EFTUD2: variants seen among roughly 807,000 people sequenced by gnomAD.
EFTUD2 encodes the protein elongation factor Tu GTP binding domain containing 2.
Under a neutral mutation model 114.3 loss-of-function variants are expected in EFTUD2, and 9 were observed. That is an observed-to-expected ratio of 0.08 (90% CI 0.05 to 0.14). EFTUD2 has a LOEUF of 0.14. Among genes scored for constraint, EFTUD2 ranks in the 10% least tolerant of loss-of-function variants. EFTUD2 has a pLI of 1.00. For missense variants in EFTUD2, 765 were observed against 1,241.2 expected (o/e 0.62, Z 5.76); for synonymous variants, 449 against 462.3 (o/e 0.97, Z 0.37).
rs1299304497 is a variant in EFTUD2, at chr17:44,860,009, A to G, written c.1756T>C (p.Ser586Pro). 6.2e-7 allele frequency: 1 copy of G among 1,614,160 alleles called. No individual in the cohort carries two copies. The highest frequency in any genetic ancestry group is 8.5e-7 in the Non-Finnish European group (1 of 1,180,040). ...GGCTCCACAGCAATCTTGATAACAG[A>G]TGTGGTATTGAACTTCAAGGGTCGG... is the stretch of plus-strand genomic sequence containing the variant. ...IFRPLKFNTTSVIKIAVEPVN... is the reference protein window; with the variant it reads ...IFRPLKFNTTPVIKIAVEPVN... Residue 586 changes from serine to proline, a missense_variant, in exon 18 of 28, where the codon TCT (serine) becomes CCT (proline). By Grantham distance (74) the Ser-to-Pro change is moderately conservative. Coordinates refer to ENST00000426333, the MANE Select transcript of EFTUD2 (RefSeq NM_004247.4).
chr17:44,881,459 C>G (rs2051071253), intron 7 of EFTUD2, among the ~76,000 whole-genome samples: 1 of 152,222 alleles, frequency 6.6e-6, no homozygotes. Flanking sequence ...TTAATCTAGT[C>G]AAGAACAGGA....
chr17:44,850,256 C>A lies in EFTUD2; in HGVS notation c.*1018G>T. On this transcript the variant is annotated 3_prime_UTR_variant, in exon 28 of 28. Coordinates refer to ENST00000426333, the MANE Select transcript of EFTUD2 (RefSeq NM_004247.4). ...CTCAAGGGAGCAGCTAGAGGTGAAC[C>A]CCTAGGACGCCTGAGAGCCAGAGGA... 1 of 1,178,174 alleles carries A rather than the reference C, an allele frequency of 8.5e-7. No homozygotes were observed. Among genetic ancestry groups the A allele is most frequent in the South Asian group, 1.3e-5 (1 of 74,736 alleles). 73.0% of individuals were successfully genotyped at this position (1,178,174 alleles called of 1,614,324 possible).
chr17:44,886,053 A>G lies in EFTUD2; in HGVS notation c.271+532T>C, dbSNP rs144538507. On this transcript the variant is annotated intron_variant, in intron 3 of 27. Coordinates refer to ENST00000426333, the MANE Select transcript of EFTUD2 (RefSeq NM_004247.4). ...GGAGTTCAAGACCAGCCAGGCCAAC[A>G]TGGTGAAACCCCGTTTCTACTAAAA... Among the ~76,000 whole-genome samples, 1,377 of 150,102 alleles carry G rather than the reference A, an allele frequency of 9.2e-3. 16 individuals are homozygous for G. Among genetic ancestry groups the G allele is most frequent in the African/African-American group, 0.032 (1,299 of 41,098 alleles).
At chr17:44,863,210 C>T (rs2050688878) in intron 15 of EFTUD2, 2 of 289,538 alleles carry the variant, frequency 6.9e-6, no homozygotes, top group Admixed American at 4.9e-5. Flanking sequence ...CAAATTTCCT[C>T]TTAAGATGTA....
At chr17:44,868,231 C>T in intron 12 of EFTUD2, 56 bp downstream of exon 12, 3 of 1,495,740 alleles carry the variant, frequency 2.0e-6, no homozygotes, top group Non-Finnish European at 2.8e-6. Flanking sequence ...TCACTGTCCT[C>T]ACTTACTGGG....
intron 14 of EFTUD2, 51 bp from the exon 15 acceptor site, chr17:44,863,833 GAGC>G: frequency 6.2e-7 from 1 of 1,602,798 alleles, no homozygotes; most frequent in Non-Finnish European, 8.5e-7. Flanking sequence ...CAGGGAGCAC[GAGC>G]AGGAGTTACT....
intron 11 of EFTUD2, among the ~76,000 whole-genome samples, chr17:44,871,131 C>T (rs1157750460): frequency 6.0e-5 from 9 of 151,102 alleles, no homozygotes; most frequent in Non-Finnish European, 1.0e-4. Flanking sequence ...CTCAACCTCC[C>T]GGGCTCAAGT....
Position 44,851,718 on chromosome 17 carries a change from G to A in EFTUD2, c.2815C>T (p.Arg939Cys), listed in dbSNP as rs1248922713. Residue 939 changes from arginine (R) to cysteine (C), a missense_variant, in exon 27 of 28, where the codon CGT becomes TGT. Coordinates refer to ENST00000426333, the MANE Select transcript of EFTUD2 (RefSeq NM_004247.4). ...LAREFMIKTR[R>C]RKGLSEDVSI... Reference sequence around the variant, plus strand: ...GCCCAAGGGAGACATACCTTCCTACGGCGGGTTTTGATCATGAATTCCCGG... The same window carrying A: ...GCCCAAGGGAGACATACCTTCCTACAGCGGGTTTTGATCATGAATTCCCGG... 1.9e-6 allele frequency: 3 copies of A among 1,557,848 alleles called. No individual in the cohort carries two copies. The highest frequency in any genetic ancestry group is 1.7e-6 in the Non-Finnish European group (2 of 1,152,852).
At chr17:44,872,612 A>AGCCCGGACGCACT (rs765021192) in intron 10 of EFTUD2, 42 bp from the exon 11 acceptor site, 1 of 1,550,044 alleles carries the variant, frequency 6.5e-7, no homozygotes, top group Non-Finnish European at 8.7e-7. Flanking sequence ...AGGCTGCAGC[A>AGCCCGGACGCACT]GCCCGGACGC....
intron 6 of EFTUD2, among the ~76,000 whole-genome samples, chr17:44,882,026 C>T (rs1451055848): frequency 1.3e-5 from 2 of 152,160 alleles, no homozygotes; most frequent in Non-Finnish European, 2.9e-5. Context: ...CCTTTGCCTC[C>T]AGGGTTTAAG....
chr17:44,855,334 G>A (rs547548433), intron 20 of EFTUD2, among the ~76,000 whole-genome samples: 1 of 152,216 alleles, frequency 6.6e-6, no homozygotes, highest in African/African-American at 2.4e-5. Context: ...AGGCCGAGGT[G>A]GGCGGATCAC....
At chr17:44,852,610 A>G in intron 25 of EFTUD2, 48 bp from the exon 26 acceptor site, 3 of 1,597,538 alleles carry the variant, frequency 1.9e-6, no homozygotes, top group Non-Finnish European at 2.6e-6. Context: ...CATAGGCCAA[A>G]AGCCAAGAAG....
chr17:44,899,054 CG>C (rs2051458907), intron 1 of EFTUD2: 1 of 152,212 alleles, frequency 6.6e-6, no homozygotes, highest in Admixed American at 6.5e-5. Flanking sequence ...GAAAGCGGCA[CG>C]GATAGAAGAG....
rs2051078403 is a variant in EFTUD2 at position 44,881,853 on chromosome 17, G to A, written c.493-131C>T. On this transcript the variant is annotated intron_variant, in intron 6 of 27. Coordinates refer to ENST00000426333, the MANE Select transcript of EFTUD2 (RefSeq NM_004247.4). Reference sequence around the variant, plus strand: ...AGATTAAAGAGAGAGAGAGAGCAGGGTGTCCCCACAGCAATTACAGACAAT... The same window carrying A: ...AGATTAAAGAGAGAGAGAGAGCAGGATGTCCCCACAGCAATTACAGACAAT... 3.7e-6 allele frequency: 3 copies of A among 801,846 alleles called. No homozygotes were observed. The South Asian group carries it at 4.7e-5, about 13-fold the overall frequency. 49.7% of individuals were successfully genotyped at this position (801,846 alleles called of 1,614,324 possible).
intron 10 of EFTUD2, 179 bp from the exon 11 acceptor site, chr17:44,872,749 C>T: frequency 1.8e-6 from 1 of 567,536 alleles, no homozygotes; most frequent in South Asian, 2.5e-5. Flanking sequence ...AGCTGTTCCC[C>T]TAATTCCCAA....
intron 1 of EFTUD2, 67 bp from the exon 2 acceptor site, chr17:44,894,592 C>T: frequency 8.4e-7 from 1 of 1,192,298 alleles, no homozygotes; most frequent in Non-Finnish European, 1.2e-6. Context: ...GGTGGCTCCA[C>T]CTGTCTAGTC....
At chr17:44,895,740 A>G (rs2051372690) in intron 1 of EFTUD2, 1 of 152,236 alleles carries the variant, frequency 6.6e-6, no homozygotes, top group African/African-American at 2.4e-5. Flanking sequence ...CATCAAAATC[A>G]GAAAATTGAT....
intron 26 of EFTUD2, among the ~76,000 whole-genome samples, chr17:44,852,103 G>T (rs2050465233): frequency 6.6e-6 from 1 of 151,996 alleles, no homozygotes; most frequent in Non-Finnish European, 1.5e-5. Flanking sequence ...TTTTAGTACA[G>T]ATGGGGTTTC....
Position 44,880,602 on chromosome 17 carries a change from G to A in EFTUD2, c.571C>T (p.Pro191Ser), listed in dbSNP as rs866090441. The A allele has an allele frequency of 1.2e-6, 2 of 1,613,736 alleles. No homozygotes were observed. Among genetic ancestry groups the A allele is most frequent in the Non-Finnish European group, 1.7e-6 (2 of 1,179,718 alleles). Residue 191 changes from proline to serine, a missense_variant, in exon 8 of 28, where the codon CCA becomes TCA. By Grantham distance (74) the Pro-to-Ser change is moderately conservative (BLOSUM62 -1). Around this residue, in one of 6 missense-constraint regions of EFTUD2, gnomAD observed 251 missense variants for 357.7 expected, o/e 0.70. Transcript: ENST00000426333. ...IKSTPVTVVL[P>S]DTKGKSYLFN... Reference sequence around the variant, plus strand: ...AGATAAGATTTTCCTTTGGTGTCTGGCAAGACCACTGTCACAGGAGTGCTT... The same window carrying A: ...AGATAAGATTTTCCTTTGGTGTCTGACAAGACCACTGTCACAGGAGTGCTT...
Sources: allele counts gnomAD v4.1 joint callset (sites outside exome capture counted in the v4.1 genomes callset), GRCh38; gene constraint gnomAD v4.1.1; regional missense constraint gnomAD v4.1.1; transcripts MANE v1.5; gene names NCBI Gene and HGNC (gene_info 2026-07-23, HGNC 2026-07-21).